The following HS3ST4 variants were observed in gnomAD, a reference collection of about 807,000 sequenced individuals.
HS3ST4 encodes the protein heparan sulfate glucosamine 3-O-sulfotransferase 4.
In HS3ST4, 17 loss-of-function variants were observed where a neutral mutation model predicts 29.2. That is an observed-to-expected ratio of 0.58 (90% CI 0.40 to 0.87). HS3ST4 has a LOEUF of 0.87. Ranked by LOEUF, HS3ST4 falls within the 40% of genes least tolerant of loss-of-function variation. The pLI, the probability that HS3ST4 is intolerant of heterozygous loss-of-function variation, is 0.00. For missense variants in HS3ST4, 627 were observed against 634.5 expected, an observed-to-expected ratio of 0.99 and a Z score of 0.13; for synonymous variants, 314 against 285.7, an observed-to-expected ratio of 1.10 and a Z score of -1.00.
At chr16:25,783,526 T>G (rs937064439) in intron 1 of HS3ST4, among the ~76,000 whole-genome samples, 2 of 152,106 alleles carry the variant, frequency 1.3e-5, no homozygotes, top group African/African-American at 4.8e-5. Flanking sequence ...TCCAGACTCT[T>G]GAGCTGCTTT....
chr16:25,923,903 T>G (rs950421180), intron 1 of HS3ST4, among the ~76,000 whole-genome samples: 1 of 152,222 alleles, frequency 6.6e-6, no homozygotes, highest in Non-Finnish European at 1.5e-5. Context: ...ACTGTGACCC[T>G]GGATACTCCC....
chr16:25,754,357 C>A (rs529329138), intron 1 of HS3ST4, among the ~76,000 whole-genome samples: 1 of 151,042 alleles, frequency 6.6e-6, no homozygotes, highest in South Asian at 2.1e-4. Context: ...TTTAGCCATT[C>A]ATCCACCCAC....
intron 1 of HS3ST4, among the ~76,000 whole-genome samples, chr16:26,009,814 C>A (rs1350964683): frequency 2.6e-5 from 4 of 152,158 alleles, no homozygotes; most frequent in Admixed American, 1.3e-4. Flanking sequence ...CTGGAAAGTA[C>A]AATTATCCTA....
intron 1 of HS3ST4, among the ~76,000 whole-genome samples, chr16:25,863,022 G>A (rs1234411475): frequency 3.3e-5 from 5 of 152,160 alleles, no homozygotes; most frequent in Non-Finnish European, 7.3e-5. Context: ...CATTAGTAAT[G>A]GGATTAGGCA....
At chr16:25,821,646 G>T (rs1363082723) in intron 1 of HS3ST4, among the ~76,000 whole-genome samples, 1 of 152,110 alleles carries the variant, frequency 6.6e-6, no homozygotes, top group Non-Finnish European at 1.5e-5. Flanking sequence ...GGCTTTCGCT[G>T]CTGGGCACGG....
intron 1 of HS3ST4, among the ~76,000 whole-genome samples, chr16:26,127,813 C>G (rs1899365081): frequency 6.6e-6 from 1 of 152,212 alleles, no homozygotes; most frequent in Non-Finnish European, 1.5e-5. Flanking sequence ...CCTAAACCTT[C>G]TCATCCTAAA....
chr16:25,693,174 C>A (rs748647536), intron 1 of HS3ST4, 23 bp downstream of exon 1: 4 of 1,540,298 alleles, frequency 2.6e-6, no homozygotes, highest in Non-Finnish European at 3.5e-6. Flanking sequence ...GCTCCGCGGG[C>A]TGGTGGAGAC....
intron 1 of HS3ST4, among the ~76,000 whole-genome samples, chr16:25,717,019 A>C (rs746893987): frequency 3.9e-5 from 6 of 152,002 alleles, no homozygotes; most frequent in Admixed American, 6.5e-5. Context: ...GGGCCATTGC[A>C]CTCCAGCCTG....
intron 1 of HS3ST4, among the ~76,000 whole-genome samples, chr16:25,733,684 G>C (rs527481863): frequency 1.3e-5 from 2 of 152,080 alleles, no homozygotes; most frequent in African/African-American, 2.4e-5. Flanking sequence ...GTATGAATCT[G>C]GGGGGCGGGG....
At chr16:25,805,701 A>T (rs1240127317) in intron 1 of HS3ST4, among the ~76,000 whole-genome samples, 1 of 152,146 alleles carries the variant, frequency 6.6e-6, no homozygotes, top group East Asian at 1.9e-4. Context: ...CTTTTTAAAA[A>T]TTTTTTATTT....
At chr16:26,023,954 G>A (rs987295600) in intron 1 of HS3ST4, among the ~76,000 whole-genome samples, 3 of 152,156 alleles carry the variant, frequency 2.0e-5, no homozygotes, top group African/African-American at 7.2e-5. Flanking sequence ...AATGGGTGCG[G>A]TGGCTCACGC....
At chr16:25,727,521 T>A (rs1474533692) in intron 1 of HS3ST4, among the ~76,000 whole-genome samples, 3 of 152,162 alleles carry the variant, frequency 2.0e-5, no homozygotes, top group African/African-American at 7.2e-5. Context: ...AGGGAAAAAA[T>A]AACACTCAAT....
intron 1 of HS3ST4, among the ~76,000 whole-genome samples, chr16:25,887,986 C>G (rs186730669): frequency 6.6e-6 from 1 of 152,068 alleles, no homozygotes; most frequent in East Asian, 1.9e-4. Flanking sequence ...CATGAGCCAC[C>G]GCGCCCGTCC....
chr16:25,960,446 C>T (rs752000407), intron 1 of HS3ST4, among the ~76,000 whole-genome samples: 53 of 152,172 alleles, frequency 3.5e-4, no homozygotes, highest in Non-Finnish European at 6.5e-4. Context: ...AGTGGTTCTG[C>T]GTGATTCATC....
At chr16:26,109,233 G>T (rs1165059383) in intron 1 of HS3ST4, among the ~76,000 whole-genome samples, 1 of 152,162 alleles carries the variant, frequency 6.6e-6, no homozygotes, top group African/African-American at 2.4e-5. Flanking sequence ...AAGGGAGGCA[G>T]GTTGTTGAGG....
chr16:25,970,842 G>A (rs1464418017), intron 1 of HS3ST4, among the ~76,000 whole-genome samples: 1 of 151,580 alleles, frequency 6.6e-6, no homozygotes, highest in Non-Finnish European at 1.5e-5. Context: ...GACACCTTTT[G>A]TACAAGCATC....
intron 1 of HS3ST4, among the ~76,000 whole-genome samples, chr16:26,108,202 G>A (rs1333716772): frequency 6.6e-6 from 1 of 152,108 alleles, no homozygotes; most frequent in Non-Finnish European, 1.5e-5. Context: ...AATGGTTAGT[G>A]ATGTTGAGCC....
At position 25,789,403 on chromosome 16, in the gene HS3ST4, TTTCCTTCCTTCC is replaced by T. The variant is rs745858843; in HGVS notation, c.734+96308_734+96319del. On this transcript the variant is annotated intron_variant, in intron 1 of 1. Transcript: ENST00000331351. The stretch of plus-strand genomic sequence containing the variant: ...TTTCTTTCTTTCTCTTTCTTTGTTT[TTTCCTTCCTTCC>T]TTCCTTCCTTCCTTCCTTCCTTCCT... 1.7e-3 allele frequency among the ~76,000 whole-genome samples: 122 copies of T among 72,628 alleles called. No homozygotes were observed. In the Middle Eastern group the frequency reaches 0.03, roughly 18 times the overall value. 47.6% of individuals were successfully genotyped at this position (72,628 alleles called of 152,430 possible).
rs767043079 is a variant in HS3ST4 at position 25,900,810 on chromosome 16, G to T, written c.734+207659G>T. Among the ~76,000 whole-genome samples, 8 of 150,912 alleles carry T rather than the reference G, an allele frequency of 5.3e-5. No individual in the cohort carries two copies. The South Asian group carries it at 6.3e-4, about 12-fold the overall frequency. On this transcript the variant is annotated intron_variant, in intron 1 of 1. Coordinates refer to ENST00000331351, the MANE Select transcript of HS3ST4 (RefSeq NM_006040.3). ...CTCAGGGAGTGACATGGGACCTCAG[G>T]GAGAACTAGGGATTTTTTTCTCCCA...
Sources: allele counts gnomAD v4.1 joint callset (sites outside exome capture counted in the v4.1 genomes callset), GRCh38; gene constraint gnomAD v4.1.1; transcripts MANE v1.5; gene names NCBI Gene and HGNC (gene_info 2026-07-23, HGNC 2026-07-21).